The following CPA4 variants were observed in gnomAD, a reference collection of about 807,000 sequenced individuals.
CPA4 encodes the protein carboxypeptidase A4, also known as carboxypeptidase A3.
A neutral mutation model predicts 54.7 loss-of-function variants in CPA4; 49 were observed. The ratio of observed to expected loss-of-function variants is 0.90; its 90% CI spans 0.71 to 1.14. The LOEUF is 1.14. CPA4 is among the 50% of genes most tolerant of loss of function. CPA4 has a pLI of 0.00. For missense variants in CPA4, 487 were observed against 525.1 expected, an observed-to-expected ratio of 0.93 and a Z score of 0.71; for synonymous variants, 215 against 206.8, an observed-to-expected ratio of 1.04 and a Z score of -0.34.
chr7:130,304,575 T>C lies in CPA4; in HGVS notation c.482T>C (p.Leu161Pro). Residue 161 changes from leucine (L) to proline (P), a missense_variant, in exon 5 of 11, where the codon CTG (leucine) becomes CCG (proline). Coordinates refer to ENST00000222482, the MANE Select transcript of CPA4 (RefSeq NM_016352.4). Reference protein sequence around the residue: ...HSFENRPMYVLKFSTGKGVRR... With the variant: ...HSFENRPMYVPKFSTGKGVRR... Reference sequence around the variant, plus strand: ...TTTGAAAACCGGCCGATGTATGTACTGAAGGTGAGGCCACATGCACTTGGA... The same window carrying C: ...TTTGAAAACCGGCCGATGTATGTACCGAAGGTGAGGCCACATGCACTTGGA... 2 of 1,597,708 alleles carry C rather than the reference T, an allele frequency of 1.3e-6. No individual in the cohort carries two copies. Among genetic ancestry groups the C allele is most frequent in the Non-Finnish European group, 1.7e-6 (2 of 1,165,032 alleles).
chr7:130,313,496 C>T (rs891356617), intron 10 of CPA4, among the ~76,000 whole-genome samples: 9 of 152,170 alleles, frequency 5.9e-5, no homozygotes, highest in African/African-American at 1.9e-4. Flanking sequence ...TTTTGGAGGA[C>T]TGCAGCTGAG....
intron 4 of CPA4, among the ~76,000 whole-genome samples, chr7:130,303,416 C>T (rs912434206): frequency 1.3e-5 from 2 of 152,142 alleles, no homozygotes; most frequent in Non-Finnish European, 2.9e-5. Flanking sequence ...GAAACAATTA[C>T]AACTTCTATT....
intron 10 of CPA4, among the ~76,000 whole-genome samples, chr7:130,314,588 G>A (rs1472174585): frequency 3.9e-5 from 6 of 152,234 alleles, no homozygotes; most frequent in African/African-American, 9.6e-5. Flanking sequence ...AAGAGGGATC[G>A]TGTAAGGTTT....
intron 10 of CPA4, among the ~76,000 whole-genome samples, chr7:130,317,214 T>C (rs1794002699): frequency 6.6e-6 from 1 of 152,234 alleles, no homozygotes; most frequent in African/African-American, 2.4e-5. Flanking sequence ...TTAGATTTGT[T>C]TAGACAGACA....
intron 7 of CPA4, 186 bp from the exon 8 acceptor site, chr7:130,308,121 C>T (rs904778543): frequency 1.8e-5 from 11 of 606,004 alleles, no homozygotes; most frequent in Non-Finnish European, 3.0e-5. Context: ...CTCTTAGAGC[C>T]GGAAGGGGAA....
In CPA4 at chr7:130,312,450, G is replaced by C. The variant is rs571591163; in HGVS notation, c.1078+328G>C. Among the ~76,000 whole-genome samples the C allele has an allele frequency of 2.0e-5, 3 of 152,232 alleles. No homozygotes were observed. The East Asian group carries it at 5.8e-4, about 29-fold the overall frequency. On this transcript the variant is annotated intron_variant, in intron 10 of 10. Transcript: ENST00000222482. The stretch of plus-strand genomic sequence containing the variant: ...ACAAACATTGAGCCTGGACAACATA[G>C]CAAGACCCCATCTGATATGGTTTGG...
intron 4 of CPA4, among the ~76,000 whole-genome samples, chr7:130,302,515 A>G (rs746274534): frequency 6.7e-6 from 1 of 150,062 alleles, no homozygotes; most frequent in Admixed American, 6.6e-5. Flanking sequence ...AAGAGCGCTC[A>G]TATTGGCTCA....
chr7:130,298,499 T>G (rs1365273561), intron 1 of CPA4, among the ~76,000 whole-genome samples: 2 of 152,236 alleles, frequency 1.3e-5, no homozygotes, highest in African/African-American at 4.8e-5. Context: ...ATACTTATAA[T>G]CATGGCATAC....
At chr7:130,296,678 A>ATTTTT (rs1793653148) in intron 1 of CPA4, among the ~76,000 whole-genome samples, 3 of 40,056 alleles carry the variant, frequency 7.5e-5, no homozygotes, top group Admixed American at 3.3e-4. Flanking sequence ...AGCTCCCCTC[A>ATTTTT]CTTTTTTTTT....
chr7:130,314,438 C>T (rs1793958938), intron 10 of CPA4, among the ~76,000 whole-genome samples: 1 of 152,218 alleles, frequency 6.6e-6, no homozygotes, highest in African/African-American at 2.4e-5. Context: ...ACAAAGGAAG[C>T]TCCTTTCTGG....
chr7:130,304,978 G>A (rs1300652296), intron 5 of CPA4, among the ~76,000 whole-genome samples: 1 of 152,202 alleles, frequency 6.6e-6, no homozygotes, highest in African/African-American at 2.4e-5. Context: ...GAGGGTTGGT[G>A]TAATTTTAAG....
chr7:130,299,348 A>T lies in CPA4; in HGVS notation c.229A>T (p.Lys77Ter). The T allele has an allele frequency of 6.2e-7, 1 of 1,613,918 alleles. No individual in the cohort carries two copies. ...CCCATCTGTCAGTCTGCAGGCATTT[A>T]AATCCTTCCTGAGATCCCAGGGCTT... ...LVPSVSLQAFKSFLRSQGLEY... is the reference protein window; with the variant it reads ...LVPSVSLQAF Residue 77 changes from lysine (K) to a stop codon, truncating the protein, a stop_gained, in exon 3 of 11, where the codon AAA becomes TAA. Coordinates refer to ENST00000222482, the MANE Select transcript of CPA4 (RefSeq NM_016352.4). LOFTEE classifies it high-confidence loss of function.
intron 4 of CPA4, 94 bp from the exon 5 acceptor site, chr7:130,304,384 G>C: frequency 1.2e-6 from 1 of 823,686 alleles, no homozygotes; most frequent in South Asian, 1.3e-5. Context: ...GGTCCCGGAA[G>C]AGATAGTTAA....
Position 130,322,693 on chromosome 7 carries a change from G to C in CPA4, c.*17G>C. On this transcript the variant is annotated 3_prime_UTR_variant, in exon 11 of 11. Coordinates refer to ENST00000222482, the MANE Select transcript of CPA4 (RefSeq NM_016352.4). ...CTCTACTAGGCGATGGCTCTGCTCT[G>C]TCTACATTTATTTGTACCCACACGT... 6.9e-6 allele frequency: 11 copies of C among 1,605,298 alleles called. No individual in the cohort carries two copies. Among genetic ancestry groups the C allele is most frequent in the Non-Finnish European group, 8.5e-6 (10 of 1,175,772 alleles).
rs187503457 is a variant in CPA4, at chr7:130,312,020, C to T, written c.994-18C>T. 1.7e-4 allele frequency: 268 copies of T among 1,606,286 alleles called. No homozygotes were observed. In the African/African-American group the frequency reaches 2.4e-3, roughly 15 times the overall value. ...TCAGGATCGATTTTTTCTCACTCCA[C>T]GGATTCCCCCTTCCCAGGACAAGGT... On this transcript the variant is annotated intron_variant, in intron 9 of 10. Coordinates refer to ENST00000222482, the MANE Select transcript of CPA4 (RefSeq NM_016352.4).
intron 1 of CPA4, among the ~76,000 whole-genome samples, chr7:130,298,321 G>A (rs1285027354): frequency 6.6e-6 from 1 of 152,154 alleles, no homozygotes; most frequent in Non-Finnish European, 1.5e-5. Flanking sequence ...ATTCCTTCCT[G>A]TAAAATATAT....
intron 5 of CPA4, among the ~76,000 whole-genome samples, 191 bp from the exon 6 acceptor site, chr7:130,305,625 G>C (rs535029020): frequency 2.0e-5 from 3 of 152,330 alleles, no homozygotes; most frequent in East Asian, 3.9e-4. Context: ...TGGAGCTGCA[G>C]CTTGGCCCCG....
intron 4 of CPA4, among the ~76,000 whole-genome samples, chr7:130,301,462 T>A (rs924805687): frequency 4.6e-5 from 7 of 152,116 alleles, no homozygotes; most frequent in Non-Finnish European, 8.8e-5. Context: ...GCAGAATAAT[T>A]TCCTAGGATA....
chr7:130,294,998 G>C (rs1437414550), intron 1 of CPA4, among the ~76,000 whole-genome samples: 1 of 151,972 alleles, frequency 6.6e-6, no homozygotes, highest in African/African-American at 2.4e-5. Flanking sequence ...AGTCTCTCTT[G>C]CTCTACTGGA....
Sources: allele counts gnomAD v4.1 joint callset (sites outside exome capture counted in the v4.1 genomes callset), GRCh38; gene constraint gnomAD v4.1.1; transcripts MANE v1.5; gene names NCBI Gene and HGNC (gene_info 2026-07-23, HGNC 2026-07-21).